The following ST8SIA6 variants were observed in gnomAD, a reference collection of about 807,000 sequenced individuals.
ST8SIA6 encodes the protein alpha-2,8-sialyltransferase 8F.
Under a neutral mutation model 33.6 loss-of-function variants are expected in ST8SIA6, and 39 were observed. The ratio of observed to expected loss-of-function variants is 1.16; its 90% CI spans 0.90 to 1.52. ST8SIA6 has a LOEUF of 1.52. ST8SIA6 is among the 40% of genes most tolerant of loss of function. The probability of loss-of-function intolerance (pLI) is 0.00; values close to 1 mark genes in which losing one functional copy is unlikely to be tolerated. For missense variants in ST8SIA6, 441 were observed against 443.8 expected (o/e 0.99, Z 0.06); for synonymous variants, 172 against 167.2 (o/e 1.03, Z -0.22).
At chr10:17,426,653 T>C (rs1004099826) in intron 2 of ST8SIA6, among the ~76,000 whole-genome samples, 1 of 152,198 alleles carries the variant, frequency 6.6e-6, no homozygotes, top group African/African-American at 2.4e-5. Flanking sequence ...GCAAGCACTT[T>C]CGTTGTAAGA....
intron 2 of ST8SIA6, among the ~76,000 whole-genome samples, chr10:17,416,640 G>A (rs12411579): frequency 0.041 from 6,247 of 152,100 alleles, 263 homozygotes; most frequent in East Asian, 0.25. Context: ...CGATTCAGCC[G>A]TAAATCCATC....
intron 4 of ST8SIA6, among the ~76,000 whole-genome samples, chr10:17,352,154 A>G (rs1413399855): frequency 1.3e-5 from 2 of 152,220 alleles, no homozygotes; most frequent in Admixed American, 6.5e-5. Context: ...TTCCATAAAT[A>G]GATACAATAT....
chr10:17,319,086 A>C lies in ST8SIA6; in HGVS notation c.*1792T>G, dbSNP rs1847859635. Reference sequence around the variant, plus strand: ...CAATCTGCTGTGAAATCACAACTATAGACCCACTTGAGAAAAAGATAAAAA... The same window carrying C: ...CAATCTGCTGTGAAATCACAACTATCGACCCACTTGAGAAAAAGATAAAAA... On this transcript the variant is annotated 3_prime_UTR_variant, in exon 8 of 8. Coordinates refer to ENST00000377602, the MANE Select transcript of ST8SIA6 (RefSeq NM_001004470.3). Among the ~76,000 whole-genome samples, 1 of 152,222 alleles carries C rather than the reference A, an allele frequency of 6.6e-6. No individual in the cohort carries two copies. Among genetic ancestry groups the C allele is most frequent in the South Asian group, 2.1e-4 (1 of 4,832 alleles).
At chr10:17,381,113 G>A (rs986331752) in intron 3 of ST8SIA6, among the ~76,000 whole-genome samples, 2 of 151,932 alleles carry the variant, frequency 1.3e-5, no homozygotes, top group African/African-American at 4.8e-5. Flanking sequence ...TTGAAACAGA[G>A]TTTACTCGGG....
intron 2 of ST8SIA6, among the ~76,000 whole-genome samples, chr10:17,402,184 A>C (rs1274353066): frequency 6.6e-6 from 1 of 152,218 alleles, no homozygotes; most frequent in African/African-American, 2.4e-5. Flanking sequence ...AAAAATGCTC[A>C]TCATCACTGG....
chr10:17,368,503 G>A (rs937274593), intron 3 of ST8SIA6, among the ~76,000 whole-genome samples: 2 of 149,596 alleles, frequency 1.3e-5, no homozygotes, highest in Non-Finnish European at 3.0e-5. Flanking sequence ...TACATTAATA[G>A]CATGTTAAAG....
intron 2 of ST8SIA6, among the ~76,000 whole-genome samples, chr10:17,428,477 G>A (rs74117651): frequency 5.9e-5 from 9 of 152,230 alleles, no homozygotes; most frequent in African/African-American, 1.9e-4. Context: ...TACCCTAGAA[G>A]TGGGCAAATA....
chr10:17,438,255 G>A (rs1383873431), intron 2 of ST8SIA6, among the ~76,000 whole-genome samples: 3 of 152,096 alleles, frequency 2.0e-5, no homozygotes, highest in Non-Finnish European at 4.4e-5. Context: ...TTCTTGATAA[G>A]TATGTACTTT....
chr10:17,432,508 C>A (rs573821359), intron 2 of ST8SIA6, among the ~76,000 whole-genome samples: 8 of 152,290 alleles, frequency 5.3e-5, no homozygotes, highest in African/African-American at 9.6e-5. Flanking sequence ...CAGTTTATGA[C>A]CTTTATGCTA....
intron 4 of ST8SIA6, among the ~76,000 whole-genome samples, chr10:17,344,562 A>G (rs942765818): frequency 6.6e-6 from 1 of 152,232 alleles, no homozygotes; most frequent in Non-Finnish European, 1.5e-5. Flanking sequence ...CTCCCACAAC[A>G]TATGGGCATT....
At chr10:17,386,514 G>A (rs2131653127) in intron 3 of ST8SIA6, among the ~76,000 whole-genome samples, 1 of 152,352 alleles carries the variant, frequency 6.6e-6, no homozygotes, top group South Asian at 2.1e-4. Flanking sequence ...ACTCCAGCCT[G>A]GGTGACGGTG....
intron 2 of ST8SIA6, among the ~76,000 whole-genome samples, chr10:17,395,356 G>A (rs1223113370): frequency 1.3e-5 from 2 of 152,096 alleles, no homozygotes; most frequent in African/African-American, 4.8e-5. Context: ...CCAGGTAGAA[G>A]TCCAGCATAT....
At chr10:17,453,692 C>T (rs954812272) in intron 1 of ST8SIA6, 35 bp from the exon 2 acceptor site, 1 of 1,266,806 alleles carries the variant, frequency 7.9e-7, no homozygotes, top group Non-Finnish European at 1.0e-6. Flanking sequence ...AGTTGCTACA[C>T]CCCGCCGGGA....
At chr10:17,402,801 G>A (rs576973118) in intron 2 of ST8SIA6, among the ~76,000 whole-genome samples, 1 of 152,276 alleles carries the variant, frequency 6.6e-6, no homozygotes, top group African/African-American at 2.4e-5. Flanking sequence ...GGGAGGGATA[G>A]CATTAGGAGA....
chr10:17,404,791 T>C (rs1851191271), intron 2 of ST8SIA6, among the ~76,000 whole-genome samples: 1 of 152,178 alleles, frequency 6.6e-6, no homozygotes, highest in Non-Finnish European at 1.5e-5. Context: ...GCAAACCTCA[T>C]TGCAGTAGTC....
At chr10:17,406,409 C>T (rs1391182554) in intron 2 of ST8SIA6, among the ~76,000 whole-genome samples, 1 of 152,194 alleles carries the variant, frequency 6.6e-6, no homozygotes, top group African/African-American at 2.4e-5. Context: ...TTTGTCTTGT[C>T]ACTTCTCTGA....
chr10:17,402,778 G>T (rs1223687254), intron 2 of ST8SIA6, among the ~76,000 whole-genome samples: 1 of 152,076 alleles, frequency 6.6e-6, no homozygotes, highest in Non-Finnish European at 1.5e-5. Context: ...TTGTTGTTGG[G>T]GTCGGGGGAG....
intron 2 of ST8SIA6, among the ~76,000 whole-genome samples, chr10:17,435,086 A>T (rs745985223): frequency 1.3e-5 from 2 of 152,184 alleles, no homozygotes; most frequent in Non-Finnish European, 2.9e-5. Flanking sequence ...GAAGCTGACC[A>T]TGCGTGGCTT....
Position 17,392,620 on chromosome 10 carries a change from G to A in ST8SIA6, c.201-2000C>T, listed in dbSNP as rs1588879931. On this transcript the variant is annotated intron_variant, in intron 2 of 7. Coordinates refer to ENST00000377602, the MANE Select transcript of ST8SIA6 (RefSeq NM_001004470.3). The stretch of plus-strand genomic sequence containing the variant: ...TAGGATTCAAGGTTGAAGAGCCATG[G>A]GGTGATTGCAGAGAAATGAGGAGAA... 2.0e-5 allele frequency among the ~76,000 whole-genome samples: 3 copies of A among 152,280 alleles called. No individual in the cohort carries two copies. The South Asian group carries it at 6.2e-4, about 32-fold the overall frequency.
Sources: allele counts gnomAD v4.1 joint callset (sites outside exome capture counted in the v4.1 genomes callset), GRCh38; gene constraint gnomAD v4.1.1; transcripts MANE v1.5; gene names NCBI Gene and HGNC (gene_info 2026-07-23, HGNC 2026-07-21).